MAB21L3: variants seen among roughly 807,000 people sequenced by gnomAD.
The protein encoded by MAB21L3 is protein mab-21-like 3.
In MAB21L3, 36 loss-of-function variants were observed where a neutral mutation model predicts 37.7. The observed-to-expected ratio is 0.96, with a 90% CI of 0.73 to 1.26. The LOEUF (loss-of-function observed/expected upper bound fraction) is 1.26. Ranked by LOEUF, MAB21L3 falls within the 50% of genes most tolerant of loss-of-function variation. MAB21L3 has a pLI of 0.00. For missense variants in MAB21L3, 430 were observed against 447.3 expected (o/e 0.96, Z 0.35); for synonymous variants, 186 against 176.8 (o/e 1.05, Z -0.41).
At position 116,124,316 on chromosome 1, in the gene MAB21L3, G is replaced by A. The variant is rs774084784; in HGVS notation, c.440G>A (p.Arg147Gln). The A allele has an allele frequency of 7.4e-6, 12 of 1,613,780 alleles. No individual in the cohort carries two copies. The highest frequency in any genetic ancestry group is 2.7e-5 in the African/African-American group (2 of 74,916). Residue 147 changes from arginine (R) to glutamine (Q), a missense_variant, in exon 5 of 8, where the codon CGG becomes CAG. Coordinates refer to ENST00000369500, the MANE Select transcript of MAB21L3 (RefSeq NM_152367.3). ...CCTGCCAAGGTCCTCCTAGTGTTCC[G>A]GAAGCTGGTGGAAAATGCAGTTAGA... ...IVPAKVLLVF[R>Q]KLVENAVRTC... is the part of the protein sequence containing the mutation.
intron 6 of MAB21L3, 96 bp from the exon 7 acceptor site, chr1:116,128,049 A>G (rs1659960649): frequency 6.0e-6 from 8 of 1,323,118 alleles, no homozygotes; most frequent in Non-Finnish European, 2.1e-6. Flanking sequence ...CTGCCTGGTG[A>G]CAAGTTCCCC....
chr1:116,128,526 A>G (rs1287399214), intron 7 of MAB21L3, among the ~76,000 whole-genome samples, 187 bp downstream of exon 7: 2 of 152,148 alleles, frequency 1.3e-5, no homozygotes, highest in Admixed American at 6.5e-5. Flanking sequence ...TATGTAAACT[A>G]GCACCATATG....
rs1660225585 is a variant in MAB21L3 at position 116,137,871 on chromosome 1, G to A, written c.*4506G>A. On this transcript the variant is annotated 3_prime_UTR_variant, in exon 8 of 8. Coordinates refer to ENST00000369500, the MANE Select transcript of MAB21L3 (RefSeq NM_152367.3). ...CATCATTCTCAGTAAACTATCGCAA[G>A]AACAAAAAACCAAACACTGCATATT... Among the ~76,000 whole-genome samples, 1 of 149,142 alleles carries A rather than the reference G, an allele frequency of 6.7e-6. No homozygotes were observed. The highest frequency in any genetic ancestry group is 2.5e-5 in the African/African-American group (1 of 40,254).
rs142844886 is a variant in MAB21L3 at position 116,132,494 on chromosome 1, C to T, written c.856-638C>T. Among the ~76,000 whole-genome samples, 269 of 152,060 alleles carry T rather than the reference C, an allele frequency of 1.8e-3. 1 individual carries two copies. Among genetic ancestry groups the T allele is most frequent in the African/African-American group, 6.0e-3 (249 of 41,446 alleles). On this transcript the variant is annotated intron_variant, in intron 7 of 7. Coordinates refer to ENST00000369500, the MANE Select transcript of MAB21L3 (RefSeq NM_152367.3). ...AAAAGTGGAGATCACTGGGCCTTGA[C>T]GAGAGGAGCCTTTGAGGATTAATGA...
At chr1:116,123,387 A>G (rs1396227576) in intron 4 of MAB21L3, among the ~76,000 whole-genome samples, 2 of 152,152 alleles carry the variant, frequency 1.3e-5, no homozygotes, top group African/African-American at 2.4e-5. Context: ...AACACTGACC[A>G]TAGGTCATCA....
intron 3 of MAB21L3, among the ~76,000 whole-genome samples, chr1:116,120,448 C>CACACACAT (rs56718502): frequency 2.7e-5 from 4 of 149,698 alleles, no homozygotes; most frequent in African/African-American, 9.9e-5. Flanking sequence ...CACACACACA[C>CACACACAT]ATATATATAT....
At chr1:116,120,840 C>G in intron 3 of MAB21L3, 92 bp from the exon 4 acceptor site, 2 of 1,508,450 alleles carry the variant, frequency 1.3e-6, no homozygotes. Flanking sequence ...TCAGTCACCC[C>G]TTGCTGTACC....
chr1:116,119,617 TG>T (rs1330484118), intron 3 of MAB21L3, among the ~76,000 whole-genome samples: 2 of 152,184 alleles, frequency 1.3e-5, no homozygotes, highest in Non-Finnish European at 2.9e-5. Context: ...AGATATTGCT[TG>T]AAACTGGCCC....
chr1:116,123,880 T>C (rs1659819496), intron 4 of MAB21L3, 186 bp from the exon 5 acceptor site: 3 of 579,764 alleles, frequency 5.2e-6, no homozygotes, highest in Middle Eastern at 4.2e-4. Flanking sequence ...TTTACAATGA[T>C]TCAGTAGCAG....
At chr1:116,130,148 T>C (rs905254114) in intron 7 of MAB21L3, among the ~76,000 whole-genome samples, 3 of 152,240 alleles carry the variant, frequency 2.0e-5, no homozygotes, top group Non-Finnish European at 4.4e-5. Context: ...TTAAGATGGA[T>C]GGAAATACCA....
chr1:116,133,483 G>C lies in MAB21L3; in HGVS notation c.*118G>C. 1.2e-6 allele frequency: 1 copy of C among 863,900 alleles called. No homozygotes were observed. Among genetic ancestry groups the C allele is most frequent in the Non-Finnish European group, 1.8e-6 (1 of 554,764 alleles). The allele number at this position is 863,900 out of a possible 1,614,324, so 53.5% of individuals were successfully genotyped here. A position where few individuals can be genotyped will look rare whatever the true frequency, so the allele number is the denominator to read the frequency against. On this transcript the variant is annotated 3_prime_UTR_variant, in exon 8 of 8. Coordinates refer to ENST00000369500, the MANE Select transcript of MAB21L3 (RefSeq NM_152367.3). ...TAGGAGAAAGGCCACGAATGGCAGCGGAAATTACATCAAACCAGAAACACT... is the reference window on the plus strand; with the variant it reads ...TAGGAGAAAGGCCACGAATGGCAGCCGAAATTACATCAAACCAGAAACACT...
chr1:116,137,621 C>T lies in MAB21L3; in HGVS notation c.*4256C>T, dbSNP rs1481427126. On this transcript the variant is annotated 3_prime_UTR_variant, in exon 8 of 8. Transcript: ENST00000369500. Reference sequence around the variant, plus strand: ...ACCATTTGACCCAGCCATCCCATTACTGGGTATATACCCAAAGGACTATAA... The same window carrying T: ...ACCATTTGACCCAGCCATCCCATTATTGGGTATATACCCAAAGGACTATAA... Among the ~76,000 whole-genome samples, 1 of 150,698 alleles carries T rather than the reference C, an allele frequency of 6.6e-6. No homozygotes were observed. Among genetic ancestry groups the T allele is most frequent in the Non-Finnish European group, 1.5e-5 (1 of 67,810 alleles).
intron 7 of MAB21L3, 38 bp downstream of exon 7, chr1:116,128,377 C>G: frequency 6.4e-7 from 1 of 1,561,114 alleles, no homozygotes; most frequent in South Asian, 1.2e-5. Flanking sequence ...CCAGGGGCAG[C>G]TTTGGATAGG....
rs1402662651 is a variant in MAB21L3 at position 116,135,887 on chromosome 1, A to G, written c.*2522A>G. Among the ~76,000 whole-genome samples, 2 of 151,448 alleles carry G rather than the reference A, an allele frequency of 1.3e-5. No individual in the cohort carries two copies. Among genetic ancestry groups the G allele is most frequent in the African/African-American group, 4.9e-5 (2 of 41,114 alleles). On this transcript the variant is annotated 3_prime_UTR_variant, in exon 8 of 8. Transcript: ENST00000369500. Reference sequence around the variant, plus strand: ...AACCAAAGACAAAAACCACATGATTATCTCAATAGATGCAGAAAAGGCCTT... The same window carrying G: ...AACCAAAGACAAAAACCACATGATTGTCTCAATAGATGCAGAAAAGGCCTT...
chr1:116,119,051 C>G (rs933847068), intron 3 of MAB21L3, among the ~76,000 whole-genome samples: 8 of 152,234 alleles, frequency 5.3e-5, no homozygotes, highest in African/African-American at 1.9e-4. Context: ...TCAAATTACT[C>G]AAATGGAATT....
At chr1:116,124,797 A>G (rs1659852113) in intron 5 of MAB21L3, among the ~76,000 whole-genome samples, 2 of 152,116 alleles carry the variant, frequency 1.3e-5, no homozygotes, top group Admixed American at 1.3e-4. Flanking sequence ...ACCAAAGCAC[A>G]AAATCCAGGA....
At position 116,133,687 on chromosome 1, in the gene MAB21L3, A is replaced by C; in HGVS notation, c.*322A>C. ...CCCTTGTTCAGGCTGTGATCGTCTC[A>C]CAGTGAAGATGGAGACAGAACCCCT... On this transcript the variant is annotated 3_prime_UTR_variant, in exon 8 of 8. Transcript: ENST00000369500. 1 of 403,068 alleles carries C rather than the reference A, an allele frequency of 2.5e-6. No homozygotes were observed. The highest frequency in any genetic ancestry group is 4.6e-6 in the Non-Finnish European group (1 of 217,642). 25.0% of individuals were successfully genotyped at this position (403,068 alleles called of 1,614,324 possible).
rs1386241022 is a variant in MAB21L3 at position 116,120,642 on chromosome 1, T to A, written c.49-290T>A. On this transcript the variant is annotated intron_variant, in intron 3 of 7. Transcript: ENST00000369500. ...GTATCTACATTGTTCACTGTTGTCT[T>A]AATCACTGTTGTGTCCCCAGCACCC... Among the ~76,000 whole-genome samples, 6 of 152,120 alleles carry A rather than the reference T, an allele frequency of 3.9e-5. No individual in the cohort carries two copies. In the East Asian group the frequency reaches 1.2e-3, roughly 29 times the overall value.
At chr1:116,129,240 G>A (rs928196202) in intron 7 of MAB21L3, among the ~76,000 whole-genome samples, 1 of 152,002 alleles carries the variant, frequency 6.6e-6, no homozygotes, top group Non-Finnish European at 1.5e-5. Context: ...GGCAGTCAGG[G>A]GGCCTCCCTG....
Sources: gnomAD v4.1 joint callset for allele counts (sites outside exome capture counted in the v4.1 genomes callset) on GRCh38, gnomAD v4.1.1 for gene constraint, MANE v1.5 for transcripts, NCBI Gene and HGNC (gene_info 2026-07-23, HGNC 2026-07-21) for gene names.